Variants in ACBD6 observed in about 807,000 individuals in gnomAD.
The protein encoded by ACBD6 is acyl-CoA-binding domain-containing protein 6.
ACBD6 carries 28 observed loss-of-function variants against 37.2 expected under a neutral mutation model. The observed-to-expected ratio is 0.75, with a 90% CI of 0.56 to 1.03. The LOEUF (loss-of-function observed/expected upper bound fraction) is 1.03, where lower values mean the gene tolerates loss of function less well. ACBD6 is among the 50% of genes least tolerant of loss of function. ACBD6 has a pLI of 0.00. For missense variants in ACBD6, 340 were observed against 337.4 expected (o/e 1.01, Z -0.06); for synonymous variants, 113 against 126.8 (o/e 0.89, Z 0.73).
exon 14 of ACBD6, chr1:180,270,493 C>T (rs940605569): frequency 3.9e-5 from 6 of 152,162 alleles, no homozygotes; most frequent in Admixed American, 2.6e-4. Context: ...CCTGTGCTTC[C>T]GAACACACGC....
chr1:180,280,513 C>T (rs1164179606), intron 9 of ACBD6, among the ~76,000 whole-genome samples: 6 of 152,162 alleles, frequency 3.9e-5, no homozygotes. Context: ...CCCACTTAAA[C>T]CGGAAAGTTA....
intron 7 of ACBD6, among the ~76,000 whole-genome samples, chr1:180,295,271 ATT>A (rs35514630): frequency 1.6e-3 from 205 of 131,940 alleles, no homozygotes; most frequent in South Asian, 5.9e-3. Context: ...GCATCCTGCA[ATT>A]TTTTTTTTTT....
intron 7 of ACBD6, among the ~76,000 whole-genome samples, chr1:180,303,568 T>A (rs948256866): frequency 6.6e-6 from 1 of 150,706 alleles, no homozygotes; most frequent in African/African-American, 2.4e-5. Flanking sequence ...AGAAGTTGAA[T>A]CTCTGAAGAG....
chr1:180,368,065 C>A (rs1203804909), intron 6 of ACBD6, among the ~76,000 whole-genome samples: 2 of 152,276 alleles, frequency 1.3e-5, no homozygotes, highest in East Asian at 3.9e-4. Flanking sequence ...TATTTTTTGA[C>A]TTTTTAATAA....
intron 6 of ACBD6, among the ~76,000 whole-genome samples, chr1:180,331,677 T>A (rs908860192): frequency 6.6e-6 from 1 of 152,200 alleles, no homozygotes; most frequent in African/African-American, 2.4e-5. Context: ...AATATAACAA[T>A]GCTACAGCAT....
chr1:180,501,920 A>C (rs1207590972), intron 1 of ACBD6, 125 bp downstream of exon 1: 12 of 942,892 alleles, frequency 1.3e-5, no homozygotes, highest in Non-Finnish European at 2.0e-5. Flanking sequence ...AAAAAAAAAC[A>C]AAACAAAATA....
At chr1:180,403,868 G>A (rs1221002048) in intron 5 of ACBD6, among the ~76,000 whole-genome samples, 2 of 152,168 alleles carry the variant, frequency 1.3e-5, no homozygotes, top group Non-Finnish European at 2.9e-5. Flanking sequence ...AGTACCTGGA[G>A]TAGTCAAATT....
intron 9 of ACBD6, among the ~76,000 whole-genome samples, chr1:180,279,374 G>A (rs1230850123): frequency 1.3e-5 from 2 of 152,166 alleles, no homozygotes; most frequent in Non-Finnish European, 2.9e-5. Context: ...TCAGCTCACT[G>A]CAACCTCTGC....
In ACBD6 at chr1:180,435,047, C is replaced by T. The variant is rs149646153; in HGVS notation, c.385-4785G>A. 1.5e-3 allele frequency: 1,338 copies of T among 898,664 alleles called. 21 individuals carry two copies. The African/African-American group carries it at 0.02, about 13-fold the overall frequency. 55.7% of individuals were successfully genotyped at this position (898,664 alleles called of 1,614,324 possible). A position where few individuals can be genotyped will look rare whatever the true frequency, so the allele number is the denominator to read the frequency against. ...ACAATACACTAGGCACCGAGATTAC[C>T]GTGGAAGGTCAGCTTGCACATGATC... is the stretch of plus-strand genomic sequence containing the variant. On this transcript the variant is annotated intron_variant, in intron 3 of 7. Coordinates refer to ENST00000367595, the MANE Select transcript of ACBD6 (RefSeq NM_032360.4).
In ACBD6 at chr1:180,387,240, G is replaced by A. The variant is rs561524226; in HGVS notation, c.663+10276C>T. ...GTTAATTTTGGTCAGTATAATGTAC[G>A]AGTCACTCTGGGTTCTTTCCAGGAC... On this transcript the variant is annotated intron_variant, in intron 6 of 7. Coordinates refer to ENST00000367595, the MANE Select transcript of ACBD6 (RefSeq NM_032360.4). 1.4e-4 allele frequency among the ~76,000 whole-genome samples: 21 copies of A among 152,130 alleles called. 1 individual carries two copies. Among genetic ancestry groups the A allele is most frequent in the Non-Finnish European group, 7.4e-5 (5 of 68,020 alleles).
chr1:180,398,933 G>C (rs1435781864), intron 5 of ACBD6, among the ~76,000 whole-genome samples: 1 of 152,152 alleles, frequency 6.6e-6, no homozygotes, highest in Non-Finnish European at 1.5e-5. Context: ...CACCTTTCAA[G>C]AAATAGCTTT....
At chr1:180,500,986 G>GC (rs1468974547) in intron 1 of ACBD6, among the ~76,000 whole-genome samples, 2 of 152,120 alleles carry the variant, frequency 1.3e-5, no homozygotes, top group African/African-American at 4.8e-5. Flanking sequence ...TTATGATAAA[G>GC]CAATTATTTT....
In ACBD6 at chr1:180,331,399, A is replaced by G. The variant is rs143785527; in HGVS notation, c.664-16677T>C. ...GCCAGATTTTCATTCAGCAGGGGAA[A>G]ATGTAGTCAATATCCTAATATGGTA... is the stretch of plus-strand genomic sequence containing the variant. On this transcript the variant is annotated intron_variant, in intron 6 of 7. Coordinates refer to ENST00000367595, the MANE Select transcript of ACBD6 (RefSeq NM_032360.4). 9.8e-5 allele frequency among the ~76,000 whole-genome samples: 15 copies of G among 152,322 alleles called. No homozygotes were observed. The East Asian group carries it at 2.9e-3, about 29-fold the overall frequency.
At chr1:180,330,542 G>A (rs2149300183) in intron 6 of ACBD6, among the ~76,000 whole-genome samples, 1 of 152,152 alleles carries the variant, frequency 6.6e-6, no homozygotes, top group East Asian at 1.9e-4. Flanking sequence ...TTCTCCACAT[G>A]GGCTACAACA....
intron 3 of ACBD6, among the ~76,000 whole-genome samples, chr1:180,453,056 A>G (rs1649775784): frequency 6.6e-6 from 1 of 152,206 alleles, no homozygotes; most frequent in Admixed American, 6.5e-5. Flanking sequence ...AACCTCCCTA[A>G]CTCATTTTAT....
intron 6 of ACBD6, among the ~76,000 whole-genome samples, chr1:180,349,432 T>G (rs934715895): frequency 6.6e-6 from 1 of 151,692 alleles, no homozygotes; most frequent in Admixed American, 6.6e-5. Flanking sequence ...ATTTTTTGTA[T>G]TTTTAGTAGA....
intron 7 of ACBD6, among the ~76,000 whole-genome samples, chr1:180,295,381 T>A (rs189493913): frequency 6.6e-6 from 1 of 152,186 alleles, no homozygotes; most frequent in Non-Finnish European, 1.5e-5. Context: ...GCTTAAGCGA[T>A]TCTCCTGCCT....
chr1:180,499,892 T>A (rs1651886456), intron 1 of ACBD6, among the ~76,000 whole-genome samples: 1 of 152,190 alleles, frequency 6.6e-6, no homozygotes, highest in African/African-American at 2.4e-5. Context: ...TTAACTGATA[T>A]TCATAATAAT....
intron 3 of ACBD6, among the ~76,000 whole-genome samples, chr1:180,456,872 G>A (rs1170754525): frequency 6.6e-6 from 1 of 152,056 alleles, no homozygotes; most frequent in Non-Finnish European, 1.5e-5. Context: ...TGGGACTACA[G>A]GTGTGTGCCA....
Sources: allele counts gnomAD v4.1 joint callset (sites outside exome capture counted in the v4.1 genomes callset), GRCh38; gene constraint gnomAD v4.1.1; transcripts MANE v1.5; gene names NCBI Gene and HGNC (gene_info 2026-07-23, HGNC 2026-07-21).